C10orf90: variants seen among roughly 807,000 people sequenced by gnomAD.
The protein encoded by C10orf90 is chromosome 10 open reading frame 90.
In C10orf90, 56 loss-of-function variants were observed where a neutral mutation model predicts 62.5. That is an observed-to-expected ratio of 0.90 (90% CI 0.72 to 1.12). The LOEUF (loss-of-function observed/expected upper bound fraction) is 1.12. Among genes scored for constraint, C10orf90 ranks in the 50% most tolerant of loss-of-function variants. The probability of loss-of-function intolerance (pLI) is 0.00; values close to 1 mark genes in which losing one functional copy is unlikely to be tolerated. For missense variants in C10orf90, 970 were observed against 880.4 expected (o/e 1.10, Z -1.29); for synonymous variants, 386 against 340.4 (o/e 1.13, Z -1.47).
At chr10:126,492,622 T>C (rs899441389) in intron 4 of C10orf90, among the ~76,000 whole-genome samples, 1 of 152,022 alleles carries the variant, frequency 6.6e-6, no homozygotes, top group Non-Finnish European at 1.5e-5. Context: ...CTGAAGAAAA[T>C]AGAGGTGACC....
At chr10:126,552,404 G>A (rs114984903) in intron 2 of C10orf90, among the ~76,000 whole-genome samples, 33 of 152,266 alleles carry the variant, frequency 2.2e-4, no homozygotes, top group African/African-American at 6.7e-4. Flanking sequence ...CAGAACAGAA[G>A]TCCCCACACT....
At chr10:126,607,359 T>C (rs1314860159) in intron 2 of C10orf90, among the ~76,000 whole-genome samples, 3 of 152,232 alleles carry the variant, frequency 2.0e-5, no homozygotes, top group African/African-American at 4.8e-5. Context: ...TAGTTGCAAA[T>C]CTAACTAGCC....
intron 2 of C10orf90, among the ~76,000 whole-genome samples, chr10:126,599,584 C>T (rs1845156702): frequency 6.6e-6 from 1 of 151,702 alleles, no homozygotes; most frequent in Non-Finnish European, 1.5e-5. Flanking sequence ...CATGCATCCT[C>T]AGAGATGTGA....
chr10:126,553,404 A>T (rs1295631228), intron 2 of C10orf90, among the ~76,000 whole-genome samples: 4 of 152,188 alleles, frequency 2.6e-5, no homozygotes, highest in Admixed American at 2.6e-4. Flanking sequence ...GGTGCTCAAC[A>T]CCTATTAATC....
intron 2 of C10orf90, among the ~76,000 whole-genome samples, chr10:126,597,104 A>G (rs1845102437): frequency 6.6e-6 from 1 of 152,352 alleles, no homozygotes. Flanking sequence ...TGCTGTTGGG[A>G]ATGTGAAGTA....
chr10:126,457,861 T>C (rs1262037522), intron 7 of C10orf90, among the ~76,000 whole-genome samples: 3 of 152,198 alleles, frequency 2.0e-5, no homozygotes, highest in Non-Finnish European at 4.4e-5. Context: ...ATATCCCCAT[T>C]GAACCTTTAT....
At chr10:126,642,347 A>C (rs988984563) in intron 2 of C10orf90, among the ~76,000 whole-genome samples, 7 of 152,076 alleles carry the variant, frequency 4.6e-5, no homozygotes, top group Non-Finnish European at 8.8e-5. Context: ...CCTGGCTAAC[A>C]TGGTGAAACC....
intron 4 of C10orf90, among the ~76,000 whole-genome samples, chr10:126,467,532 C>T (rs575407670): frequency 7.9e-5 from 12 of 152,276 alleles, no homozygotes; most frequent in East Asian, 7.8e-4. Flanking sequence ...CTGGCCATCT[C>T]GAGAGCAGCC....
chr10:126,594,624 T>C (rs1183105745), intron 2 of C10orf90, among the ~76,000 whole-genome samples: 4 of 152,170 alleles, frequency 2.6e-5, no homozygotes, highest in Non-Finnish European at 5.9e-5. Context: ...ATAAATGCTG[T>C]GTACAGAACT....
chr10:126,471,703 GA>G (rs1357396814), intron 4 of C10orf90, among the ~76,000 whole-genome samples: 1 of 152,144 alleles, frequency 6.6e-6, no homozygotes, highest in Admixed American at 6.5e-5. Context: ...ACTCTCATTT[GA>G]CGTAAAGACT....
At chr10:126,620,625 A>G (rs565404356) in intron 2 of C10orf90, among the ~76,000 whole-genome samples, 53 of 152,004 alleles carry the variant, frequency 3.5e-4, no homozygotes, top group African/African-American at 9.9e-4. Context: ...CCTTTACTCC[A>G]CTATCTTATT....
At chr10:126,454,927 A>T (rs1859444348) in intron 7 of C10orf90, among the ~76,000 whole-genome samples, 1 of 151,990 alleles carries the variant, frequency 6.6e-6, no homozygotes, top group Non-Finnish European at 1.5e-5. Flanking sequence ...CTTGGGTTGG[A>T]GTGTACCTAA....
intron 7 of C10orf90, among the ~76,000 whole-genome samples, chr10:126,437,930 G>T (rs2134011300): frequency 6.6e-6 from 1 of 152,290 alleles, no homozygotes; most frequent in Admixed American, 6.5e-5. Context: ...GCTTCTTCCA[G>T]CTATTCTCTC....
intron 2 of C10orf90, among the ~76,000 whole-genome samples, chr10:126,618,533 C>A (rs1467089288): frequency 6.6e-6 from 1 of 152,144 alleles, no homozygotes; most frequent in Non-Finnish European, 1.5e-5. Flanking sequence ...TGGAAATAAG[C>A]TAAACCTCTT....
chr10:126,521,721 C>T (rs992310360), intron 2 of C10orf90, among the ~76,000 whole-genome samples: 1 of 152,172 alleles, frequency 6.6e-6, no homozygotes, highest in Non-Finnish European at 1.5e-5. Context: ...AATTTTTTTA[C>T]AAATGGTTTA....
intron 3 of C10orf90, among the ~76,000 whole-genome samples, chr10:126,508,187 G>GAGAC (rs1363003623): frequency 3.6e-4 from 55 of 152,152 alleles, no homozygotes; most frequent in Admixed American, 7.2e-4. Context: ...GAGAGAGAGA[G>GAGAC]AGAGTGTGTG....
intron 4 of C10orf90, among the ~76,000 whole-genome samples, chr10:126,472,223 A>T (rs1166563690): frequency 1.3e-5 from 2 of 152,202 alleles, no homozygotes; most frequent in African/African-American, 2.4e-5. Context: ...TCATTAAGAC[A>T]TTTCCATTTA....
intron 4 of C10orf90, among the ~76,000 whole-genome samples, chr10:126,494,707 C>T (rs1055089666): frequency 1.3e-5 from 2 of 152,198 alleles, no homozygotes; most frequent in Admixed American, 6.5e-5. Context: ...CTTTAACTTC[C>T]GATTCTATAG....
At chr10:126,475,899 A>T (rs1291661819) in intron 4 of C10orf90, among the ~76,000 whole-genome samples, 2 of 152,084 alleles carry the variant, frequency 1.3e-5, no homozygotes, top group Non-Finnish European at 2.9e-5. Flanking sequence ...TGTTTTTTTG[A>T]TACGTATTCA....
Sources: gnomAD v4.1 joint callset for allele counts (sites outside exome capture counted in the v4.1 genomes callset) on GRCh38, gnomAD v4.1.1 for gene constraint, MANE v1.5 for transcripts, NCBI Gene and HGNC (gene_info 2026-07-23, HGNC 2026-07-21) for gene names.